The following INTS7 variants were observed in gnomAD, a reference collection of about 807,000 sequenced individuals.
The protein encoded by INTS7 is integrator complex subunit 7.
A neutral mutation model predicts 109.2 loss-of-function variants in INTS7; 46 were observed. That is an observed-to-expected ratio of 0.42 (90% CI 0.33 to 0.54). INTS7 has a LOEUF of 0.54. Ranked by LOEUF, INTS7 falls within the 20% of genes least tolerant of loss-of-function variation. The pLI is 0.07. For synonymous variants in INTS7, 412 were observed against 402.9 expected, an observed-to-expected ratio of 1.02 and a Z score of -0.27; for missense variants, 929 against 1,132.4, an observed-to-expected ratio of 0.82 and a Z score of 2.58.
Position 212,035,373 on chromosome 1 carries a change from G to A in INTS7, c.65C>T (p.Ala22Val). The A allele has an allele frequency of 6.2e-7, 1 of 1,613,398 alleles. No individual in the cohort carries two copies. The highest frequency in any genetic ancestry group is 8.5e-7 in the Non-Finnish European group (1 of 1,179,272). Reference protein sequence around the residue: ...DAGYGEQELDANSALMELDKG... With the variant: ...DAGYGEQELDVNSALMELDKG... ...GTCCAATTCCATAAGGGCAGAGTTG[G>A]CATCCAGTTCCTGTTCGCCATAGCC... The change falls in exon 1 of 20, where the codon GCC becomes GTC. Residue 22 changes from alanine to valine, a missense_variant. By Grantham distance (64) the Ala-to-Val change is moderately conservative. Coordinates refer to ENST00000366994, the MANE Select transcript of INTS7 (RefSeq NM_015434.4).
rs765345337 is a variant in INTS7, at chr1:211,966,449, A to G, written c.2164T>C (p.Leu722=). ...AATTACCTTGCTGATTCTGGATCCAAAATCAGGGCTTCTATTGCATGAGAT... is the reference window on the plus strand; with the variant it reads ...AATTACCTTGCTGATTCTGGATCCAGAATCAGGGCTTCTATTGCATGAGAT... ...LISHAIEALI[L]DPESASFQEY... Residue 722 remains leucine, a synonymous_variant, in exon 16 of 20, where the codon TTG becomes CTG. Coordinates refer to ENST00000366994, the MANE Select transcript of INTS7 (RefSeq NM_015434.4). 1.9e-6 allele frequency: 3 copies of G among 1,600,692 alleles called. No individual in the cohort carries two copies. Among genetic ancestry groups the G allele is most frequent in the East Asian group, 4.5e-5 (2 of 44,768 alleles).
chr1:211,988,263 A>C (rs1664986972), intron 7 of INTS7, among the ~76,000 whole-genome samples: 1 of 151,952 alleles, frequency 6.6e-6, no homozygotes, highest in Admixed American at 6.6e-5. Flanking sequence ...CTCTACAAAA[A>C]TTCGAAAAAT....
chr1:211,995,982 C>G (rs1665365708), intron 7 of INTS7, among the ~76,000 whole-genome samples: 1 of 151,948 alleles, frequency 6.6e-6, no homozygotes, highest in African/African-American at 2.4e-5. Flanking sequence ...TACAGCAGCC[C>G]AAATGAACTA....
chr1:211,992,815 C>T (rs917704120), intron 7 of INTS7, among the ~76,000 whole-genome samples: 1 of 152,186 alleles, frequency 6.6e-6, no homozygotes, highest in East Asian at 1.9e-4. Context: ...AAATCTGGTT[C>T]GTGGACATTA....
intron 16 of INTS7, among the ~76,000 whole-genome samples, chr1:211,965,437 C>A (rs1663828886): frequency 6.6e-6 from 1 of 152,114 alleles, no homozygotes; most frequent in South Asian, 2.1e-4. Flanking sequence ...CCAAGAAATC[C>A]CATAACTGTG....
At chr1:211,943,379 G>A (rs1033180577) in intron 19 of INTS7, among the ~76,000 whole-genome samples, 1 of 152,060 alleles carries the variant, frequency 6.6e-6, no homozygotes, top group Non-Finnish European at 1.5e-5. Flanking sequence ...TTATATGCAA[G>A]TAACAAAGAG....
rs1205217432 is a variant in INTS7 at position 211,975,241 on chromosome 1, C to T, written c.1740G>A (p.Glu580=). ...AAGAAAGTGCTGAACTATAATTTTC[C>T]TCTTGCAACCCAGTGAGACACTGTT... The part of the protein sequence containing the change: ...HAEQCLTGLQ[E]ENYSSALSCI... The change falls in exon 13 of 20, where the codon GAG becomes GAA. Residue 580 remains glutamate (E), a synonymous_variant. Transcript: ENST00000366994. 1.9e-6 allele frequency: 3 copies of T among 1,613,946 alleles called. No individual in the cohort carries two copies. The highest frequency in any genetic ancestry group is 1.1e-5 in the South Asian group (1 of 91,068).
intron 15 of INTS7, among the ~76,000 whole-genome samples, chr1:211,967,279 C>T (rs1663931981): frequency 6.6e-6 from 1 of 151,552 alleles, no homozygotes; most frequent in African/African-American, 2.4e-5. Flanking sequence ...GGTGAAACCC[C>T]GTCTCTACTA....
At chr1:211,974,863 CT>C (rs1397692480) in intron 13 of INTS7, among the ~76,000 whole-genome samples, 1 of 152,154 alleles carries the variant, frequency 6.6e-6, no homozygotes. Flanking sequence ...GATGGTGGTA[CT>C]GATGCACACA....
intron 7 of INTS7, among the ~76,000 whole-genome samples, chr1:211,991,468 G>A (rs1665142392): frequency 6.6e-6 from 1 of 152,232 alleles, no homozygotes; most frequent in African/African-American, 2.4e-5. Context: ...GGTTGCCACT[G>A]GGCAAAGGAG....
intron 13 of INTS7, among the ~76,000 whole-genome samples, chr1:211,971,919 AAAAAAAAAAAAAAAAAAG>A (rs1287137090): frequency 7.0e-6 from 1 of 142,642 alleles, no homozygotes; most frequent in Non-Finnish European, 1.5e-5. Context: ...CAGTCTCAAA[AAAAAAAAAAAAAAAAAAG>A]AAAAGAAAAG....
chr1:211,982,523 TA>T (rs1314885439), intron 9 of INTS7, among the ~76,000 whole-genome samples, 152 bp downstream of exon 9: 4 of 152,238 alleles, frequency 2.6e-5, no homozygotes, highest in Admixed American at 1.3e-4. Flanking sequence ...AAAGTAGTCT[TA>T]AGAACACATG....
rs60644467 is a variant in INTS7 at position 211,967,756 on chromosome 1, CTATA to C, written c.2114+118_2114+121del. On this transcript the variant is annotated intron_variant, in intron 15 of 19. Coordinates refer to ENST00000366994, the MANE Select transcript of INTS7 (RefSeq NM_015434.4). ...CTGCTTATATATTTTAAAGGGGAAA[CTATA>C]TAATAAATTTATAGGGTTATTTAAC... is the stretch of plus-strand genomic sequence containing the variant. The C allele has an allele frequency of 9.6e-3, 5,683 of 594,926 alleles. 212 individuals carry two copies. The highest frequency in any genetic ancestry group is 0.087 in the African/African-American group (4,369 of 50,506). 36.9% of individuals were successfully genotyped at this position (594,926 alleles called of 1,614,324 possible).
At position 211,944,872 on chromosome 1, in the gene INTS7, C is replaced by A; in HGVS notation, c.2513G>T (p.Gly838Val). 6.2e-7 allele frequency: 1 copy of A among 1,614,138 alleles called. No individual in the cohort carries two copies. Among genetic ancestry groups the A allele is most frequent in the Non-Finnish European group, 8.5e-7 (1 of 1,179,962 alleles). The change falls in exon 19 of 20, where the codon GGA (glycine) becomes GTA (valine). Residue 838 changes from glycine (G) to valine (V), a missense_variant. Gly to Val is a moderately radical substitution (Grantham distance 109). This residue lies in a region of INTS7 where 787 missense variants were observed against 901.1 expected (regional missense o/e 0.87). Coordinates refer to ENST00000366994, the MANE Select transcript of INTS7 (RefSeq NM_015434.4). ...TTTGCGGAAGAGTCCTGGTTTAGAT[C>A]CGTGCTGAACCACTCCCTCTACCTT... ...ALKVEGVVQHGSKPGLFRKIQ... is the reference protein window; with the variant it reads ...ALKVEGVVQHVSKPGLFRKIQ...
At chr1:212,035,303 C>G (rs756448072) in intron 1 of INTS7, 41 bp downstream of exon 1, 1 of 1,359,520 alleles carries the variant, frequency 7.4e-7, no homozygotes, top group East Asian at 2.3e-5. Context: ...GCCACTTCCC[C>G]CCACGCCTGT....
chr1:211,967,969 T>C lies in INTS7; in HGVS notation c.2023A>G (p.Met675Val), dbSNP rs746851396. Residue 675 changes from methionine (M) to valine (V), a missense_variant, in exon 15 of 20, where the codon ATG becomes GTG. Transcript: ENST00000366994. ...GRISNQMKQS[M>V]EEFRSLASRY... ...GAAGCAAGGCTTCGAAATTCTTCCA[T>C]GGACTGTTTCATCTATAAAAAAAAA... 7 of 1,580,782 alleles carry C rather than the reference T, an allele frequency of 4.4e-6. No homozygotes were observed. The highest frequency in any genetic ancestry group is 5.2e-6 in the Non-Finnish European group (6 of 1,157,714).
intron 7 of INTS7, among the ~76,000 whole-genome samples, chr1:212,004,844 T>C (rs530014091): frequency 1.1e-3 from 160 of 152,314 alleles, no homozygotes; most frequent in Non-Finnish European, 2.1e-3. Context: ...GAGCTACACA[T>C]AAAAAGTACA....
chr1:212,010,471 A>T (rs1558052198), intron 5 of INTS7, among the ~76,000 whole-genome samples: 1 of 152,188 alleles, frequency 6.6e-6, no homozygotes, highest in Non-Finnish European at 1.5e-5. Flanking sequence ...CACTGGAGGG[A>T]CATTAGCAGA....
chr1:211,972,079 C>A (rs75508636), intron 13 of INTS7, among the ~76,000 whole-genome samples: 2 of 151,822 alleles, frequency 1.3e-5, no homozygotes, highest in South Asian at 4.2e-4. Context: ...CTTTTTTTCT[C>A]TTTAGGAGAC....
Sources: gnomAD v4.1 joint callset for allele counts (sites outside exome capture counted in the v4.1 genomes callset) on GRCh38, gnomAD v4.1.1 for gene constraint, gnomAD v4.1.1 regional missense constraint, MANE v1.5 for transcripts, NCBI Gene and HGNC (gene_info 2026-07-23, HGNC 2026-07-21) for gene names.